The following MBTPS1 variants were observed in gnomAD, a reference collection of about 807,000 sequenced individuals.
MBTPS1 encodes the protein membrane-bound transcription factor site-1 protease.
A neutral mutation model predicts 127.8 loss-of-function variants in MBTPS1; 94 were observed. The ratio of observed to expected loss-of-function variants is 0.74; its 90% confidence interval spans 0.62 to 0.87. The LOEUF is 0.87. Ranked by LOEUF, MBTPS1 falls within the 40% of genes least tolerant of loss-of-function variation. The pLI is 0.00. For synonymous variants in MBTPS1, 632 were observed against 509.4 expected (o/e 1.24, Z -3.24); for missense variants, 1,636 against 1,353.2 (o/e 1.21, Z -3.28).
At chr16:84,061,051 C>T (rs1388500528) in intron 19 of MBTPS1, 1 of 304,748 alleles carries the variant, frequency 3.3e-6, no homozygotes, top group Admixed American at 4.3e-5. Flanking sequence ...CTCCTGGGCT[C>T]AAGTGATCTT....
chr16:84,073,916 G>C (rs547042616), intron 12 of MBTPS1, among the ~76,000 whole-genome samples: 4 of 152,272 alleles, frequency 2.6e-5, no homozygotes, highest in African/African-American at 9.6e-5. Flanking sequence ...TGAGCCAGTA[G>C]AATCGCTTGA....
At chr16:84,083,036 T>A (rs2085963583) in intron 10 of MBTPS1, among the ~76,000 whole-genome samples, 2 of 152,196 alleles carry the variant, frequency 1.3e-5, no homozygotes. Context: ...AAGAAGCTGC[T>A]GGGAAAAGGA....
At chr16:84,080,284 G>A (rs183314419) in intron 11 of MBTPS1, among the ~76,000 whole-genome samples, 12 of 152,354 alleles carry the variant, frequency 7.9e-5, no homozygotes, top group Non-Finnish European at 1.5e-5. Context: ...ATTAATCAAT[G>A]TAAATGGAAT....
In MBTPS1 at chr16:84,054,661, C is replaced by T. The variant is rs777189155; in HGVS notation, c.2963-16G>A. On this transcript the variant is annotated splice_polypyrimidine_tract_variant and intron_variant, in intron 22 of 22. Coordinates refer to ENST00000343411, the MANE Select transcript of MBTPS1 (RefSeq NM_003791.4). ...GGCATGATCCCTGTAAGAGGACAGC[C>T]GGTTGAACAGGCAGGAACGCCACAG... 5.1e-6 allele frequency: 8 copies of T among 1,562,864 alleles called. No individual in the cohort carries two copies. Among genetic ancestry groups the T allele is most frequent in the Middle Eastern group, 1.8e-4 (1 of 5,706 alleles).
chr16:84,069,820 C>T (rs749023786), intron 14 of MBTPS1, 46 bp downstream of exon 14: 39 of 1,554,576 alleles, frequency 2.5e-5, no homozygotes, highest in Non-Finnish European at 3.2e-5. Context: ...TGCCTCCTCC[C>T]ACCACGGAGG....
rs16962814 is a variant in MBTPS1, at chr16:84,094,814, G to T, written c.625+788C>A. Among the ~76,000 whole-genome samples the T allele has an allele frequency of 7.8e-3, 1,192 of 152,162 alleles. 21 individuals carry two copies. Among genetic ancestry groups the T allele is most frequent in the African/African-American group, 0.027 (1,129 of 41,506 alleles). ...CATTTTAATGAAATGCCAGTCCACC[G>T]GGTATTAAAAGTTGAAGTATCTCAG... On this transcript the variant is annotated intron_variant, in intron 4 of 22. Coordinates refer to ENST00000343411, the MANE Select transcript of MBTPS1 (RefSeq NM_003791.4).
chr16:84,071,813 C>T (rs2085773339), intron 12 of MBTPS1: 1 of 152,176 alleles, frequency 6.6e-6, no homozygotes, highest in African/African-American at 2.4e-5. Flanking sequence ...CCTGGAGGAA[C>T]ATTTTGCTGA....
At chr16:84,095,912 T>A in intron 3 of MBTPS1, 107 bp from the exon 4 acceptor site, 1 of 819,852 alleles carries the variant, frequency 1.2e-6, no homozygotes, top group Admixed American at 2.3e-5. Flanking sequence ...TTTGCCACTC[T>A]GTTTGAAGGA....
At position 84,054,637 on chromosome 16, in the gene MBTPS1, G is replaced by C. The variant is rs753591760; in HGVS notation, c.2971C>G (p.Pro991Ala). 1 of 1,599,966 alleles carries C rather than the reference G, an allele frequency of 6.3e-7. No homozygotes were observed. Among genetic ancestry groups the C allele is most frequent in the South Asian group, 1.1e-5 (1 of 89,666 alleles). Residue 991 changes from proline to alanine, a missense_variant, in exon 23 of 23, where the codon CCT (proline) becomes GCT (alanine). By Grantham distance (27) the Pro-to-Ala change is conservative (BLOSUM62 -1). Transcript: ENST00000343411. ...CCCACCTCCTGGTTGTAGCGGCCAG[G>C]CATGATCCCTGTAAGAGGACAGCCG... ...GAWDIPGGIM[P>A]GRYNQEVGQT...
intron 1 of MBTPS1, among the ~76,000 whole-genome samples, chr16:84,115,470 C>G (rs2086461368): frequency 6.6e-6 from 1 of 152,022 alleles, no homozygotes; most frequent in South Asian, 2.1e-4. Flanking sequence ...ATAAAATAAA[C>G]TTTTATTTGT....
At chr16:84,064,697 T>C (rs919524966) in intron 18 of MBTPS1, among the ~76,000 whole-genome samples, 18 of 152,208 alleles carry the variant, frequency 1.2e-4, no homozygotes, top group Non-Finnish European at 2.2e-4. Flanking sequence ...GAAATGCTTT[T>C]AGAAAGAATC....
At chr16:84,095,552 G>A in intron 4 of MBTPS1, 50 bp downstream of exon 4, 2 of 1,586,754 alleles carry the variant, frequency 1.3e-6, no homozygotes, top group Admixed American at 1.7e-5. Flanking sequence ...CTGGGTAATA[G>A]CACACACCTG....
Position 84,091,747 on chromosome 16 carries a change from A to T in MBTPS1, c.948T>A (p.His316Gln). ...LSIGGPDFMD[H>Q]PFVDKVWELT... ...CTCCACAAACCTTGTCAACAAACGG[A>T]TGATCCATGAAGTCCGGGCCGCCGA... The change falls in exon 7 of 23, where the codon CAT becomes CAA. Residue 316 changes from histidine (H) to glutamine (Q), a missense_variant. Physicochemically the swap from His to Gln is conservative, Grantham distance 24. Coordinates refer to ENST00000343411, the MANE Select transcript of MBTPS1 (RefSeq NM_003791.4). The T allele has an allele frequency of 6.2e-7, 1 of 1,613,522 alleles. No homozygotes were observed. The highest frequency in any genetic ancestry group is 8.5e-7 in the Non-Finnish European group (1 of 1,179,464).
chr16:84,071,182 T>C (rs1254924301), intron 12 of MBTPS1, among the ~76,000 whole-genome samples: 2 of 152,204 alleles, frequency 1.3e-5, no homozygotes, highest in Admixed American at 6.5e-5. Context: ...AGCAGTAACA[T>C]GACAGGGACA....
chr16:84,089,927 T>C (rs1567493420), intron 8 of MBTPS1, among the ~76,000 whole-genome samples: 1 of 152,338 alleles, frequency 6.6e-6, no homozygotes, highest in Non-Finnish European at 1.5e-5. Context: ...GTGTTTGTCA[T>C]GGCAGAGCTA....
At chr16:84,077,246 AAAAAG>A (rs2085870678) in intron 11 of MBTPS1, among the ~76,000 whole-genome samples, 1 of 138,442 alleles carries the variant, frequency 7.2e-6, no homozygotes, top group Non-Finnish European at 1.6e-5. Flanking sequence ...AAAAAAAAAA[AAAAAG>A]AGAGAGAGAA....
At chr16:84,075,258 T>C (rs2085837123) in intron 11 of MBTPS1, 1 of 140,902 alleles carries the variant, frequency 7.1e-6, no homozygotes, top group Admixed American at 7.0e-5. Flanking sequence ...GCCACTATAA[T>C]GAATCTTAGC....
chr16:84,109,645 A>C (rs916632712), intron 1 of MBTPS1: 3 of 152,190 alleles, frequency 2.0e-5, no homozygotes, highest in African/African-American at 7.2e-5. Context: ...TACAGAATCA[A>C]CTGGCCTAGA....
At chr16:84,065,877 A>C (rs1204928002) in intron 17 of MBTPS1, 110 bp from the exon 18 acceptor site, 2 of 585,974 alleles carry the variant, frequency 3.4e-6, no homozygotes, top group Middle Eastern at 3.1e-4. Flanking sequence ...GTATTTTTTT[A>C]ATTGTTTTTA....
Sources: gnomAD v4.1 joint callset for allele counts (sites outside exome capture counted in the v4.1 genomes callset) on GRCh38, gnomAD v4.1.1 for gene constraint, MANE v1.5 for transcripts, NCBI Gene and HGNC (gene_info 2026-07-23, HGNC 2026-07-21) for gene names.